The following EXOC4 variants were observed in gnomAD, a reference collection of about 807,000 sequenced individuals.
EXOC4 encodes SEC8-like 1.
EXOC4 carries 71 observed loss-of-function variants against 107.2 expected under a neutral mutation model. The observed-to-expected ratio is 0.66, with a 90% CI of 0.55 to 0.81. The LOEUF (loss-of-function observed/expected upper bound fraction) is 0.81. Ranked by LOEUF, EXOC4 falls within the 30% of genes least tolerant of loss-of-function variation. The pLI, the probability that EXOC4 is intolerant of heterozygous loss-of-function variation, is 0.00. For missense variants in EXOC4, 1,108 were observed against 1,189.6 expected (o/e 0.93, Z 1.01); for synonymous variants, 456 against 441.2 (o/e 1.03, Z -0.42).
chr7:133,968,150 C>T (rs1397507429), intron 14 of EXOC4, among the ~76,000 whole-genome samples: 1 of 152,104 alleles, frequency 6.6e-6, no homozygotes, highest in Non-Finnish European at 1.5e-5. Context: ...ACTATGATTG[C>T]AACCACTGCT....
intron 10 of EXOC4, among the ~76,000 whole-genome samples, chr7:133,689,063 T>C (rs1794365743): frequency 6.6e-6 from 1 of 152,214 alleles, no homozygotes; most frequent in African/African-American, 2.4e-5. Context: ...CTGGAAACTA[T>C]GCTGTGGTCT....
chr7:133,924,808 T>G (rs1158138945), intron 13 of EXOC4, among the ~76,000 whole-genome samples: 2 of 152,210 alleles, frequency 1.3e-5, no homozygotes, highest in Non-Finnish European at 2.9e-5. Context: ...GCATCCAATT[T>G]ATTTTGTTCA....
At chr7:133,326,322 T>TA (rs200344541) in intron 5 of EXOC4, among the ~76,000 whole-genome samples, 22,841 of 152,176 alleles carry the variant, frequency 0.15, 2,028 homozygotes, top group Middle Eastern at 0.21. Context: ...CTCTGTTTTT[T>TA]CCCCATCTTT....
chr7:133,585,278 T>C (rs182720139), intron 9 of EXOC4, among the ~76,000 whole-genome samples: 3 of 152,360 alleles, frequency 2.0e-5, no homozygotes, highest in African/African-American at 7.2e-5. Flanking sequence ...TCCTAAACTT[T>C]AGGTTTCTTA....
Position 134,010,831 on chromosome 7 carries a change from G to A in EXOC4, c.2687+2996G>A, listed in dbSNP as rs1381325289. 4.6e-5 allele frequency among the ~76,000 whole-genome samples: 7 copies of A among 152,160 alleles called. No individual in the cohort carries two copies. The East Asian group carries it at 1.3e-3, about 29-fold the overall frequency. On this transcript the variant is annotated intron_variant, in intron 17 of 17. Coordinates refer to ENST00000253861, the MANE Select transcript of EXOC4 (RefSeq NM_021807.4). ...CCAGTGGAAAATATAACACCTTTCT[G>A]TAATAAAGAAATGAAGGATCTGGAG...
Position 133,989,960 on chromosome 7 carries a change from C to A in EXOC4, c.2207-7532C>A, listed in dbSNP as rs564750613. The stretch of plus-strand genomic sequence containing the variant: ...CTTCTTTTGAAATTAAAATCCAGAA[C>A]GTTTTAGTGGCAACAATCTATACAT... On this transcript the variant is annotated intron_variant, in intron 14 of 17. Transcript: ENST00000253861. Among the ~76,000 whole-genome samples, 6 of 152,048 alleles carry A rather than the reference C, an allele frequency of 3.9e-5. No homozygotes were observed. In the South Asian group the frequency reaches 1.2e-3, roughly 32 times the overall value.
intron 13 of EXOC4, among the ~76,000 whole-genome samples, chr7:133,935,776 A>G (rs981424686): frequency 6.6e-6 from 1 of 152,230 alleles, no homozygotes; most frequent in African/African-American, 2.4e-5. Flanking sequence ...ATAAATAAGG[A>G]TAAATGGAAT....
At chr7:133,424,356 C>G (rs1041908328) in intron 7 of EXOC4, among the ~76,000 whole-genome samples, 1 of 151,700 alleles carries the variant, frequency 6.6e-6, no homozygotes, top group African/African-American at 2.4e-5. Flanking sequence ...CAACTCCAGA[C>G]GCGCCGCCTT....
chr7:133,487,866 A>G (rs1415788338), intron 9 of EXOC4, among the ~76,000 whole-genome samples: 1 of 152,166 alleles, frequency 6.6e-6, no homozygotes, highest in East Asian at 1.9e-4. Context: ...AATAAGGTAA[A>G]AATAACAGCT....
intron 7 of EXOC4, among the ~76,000 whole-genome samples, chr7:133,471,547 T>C (rs60552230): frequency 0.072 from 11,025 of 152,212 alleles, 1,343 homozygotes; most frequent in African/African-American, 0.25. Context: ...CAAACACAAA[T>C]TGCAAACATT....
intron 10 of EXOC4, among the ~76,000 whole-genome samples, chr7:133,812,425 A>G (rs1358308395): frequency 6.6e-6 from 1 of 151,948 alleles, no homozygotes; most frequent in African/African-American, 2.4e-5. Context: ...CCAGGTCCAA[A>G]CTCTGGAAGC....
At chr7:133,584,673 G>A (rs1037137212) in intron 9 of EXOC4, among the ~76,000 whole-genome samples, 2 of 141,968 alleles carry the variant, frequency 1.4e-5, no homozygotes, top group Admixed American at 7.7e-5. Context: ...CTGCCTCCCG[G>A]GTTCAAGTGA....
the EXOC4 span, among the ~76,000 whole-genome samples, chr7:134,090,103 C>T: frequency 3.3e-5 from 5 of 152,266 alleles, no homozygotes; most frequent in East Asian, 1.9e-4. Context: ...TTTCTGACAA[C>T]GTATTTGATT....
chr7:133,574,215 G>C (rs981465300), intron 9 of EXOC4, among the ~76,000 whole-genome samples: 1 of 152,040 alleles, frequency 6.6e-6, no homozygotes, highest in African/African-American at 2.4e-5. Flanking sequence ...GCACACGTAT[G>C]TGTGTACATG....
intron 9 of EXOC4, among the ~76,000 whole-genome samples, chr7:133,584,351 C>T (rs1008351194): frequency 1.3e-5 from 2 of 152,060 alleles, no homozygotes; most frequent in Non-Finnish European, 2.9e-5. Context: ...TCATTATCTG[C>T]CCAAAACCCT....
the EXOC4 span, among the ~76,000 whole-genome samples, chr7:134,098,487 C>T: frequency 3.4e-4 from 51 of 152,176 alleles, 1 homozygote; most frequent in Non-Finnish European, 4.4e-5. Context: ...GCTGAGCAGG[C>T]TGTGAAAAGA....
intron 3 of EXOC4, among the ~76,000 whole-genome samples, chr7:133,293,541 C>G (rs1794453303): frequency 1.3e-5 from 2 of 152,196 alleles, no homozygotes; most frequent in South Asian, 4.1e-4. Context: ...TTAATCCCTA[C>G]TCAGAATAGA....
At chr7:133,550,580 GTAT>G (rs1406365627) in intron 9 of EXOC4, among the ~76,000 whole-genome samples, 1 of 152,108 alleles carries the variant, frequency 6.6e-6, no homozygotes, top group Non-Finnish European at 1.5e-5. Context: ...ACCACCAACA[GTAT>G]TATAAGTATA....
intron 12 of EXOC4, among the ~76,000 whole-genome samples, chr7:133,909,168 T>A (rs1799632601): frequency 6.6e-6 from 1 of 152,138 alleles, no homozygotes; most frequent in African/African-American, 2.4e-5. Context: ...ATTCCTTCAA[T>A]CTGTTACTCA....
Sources: allele counts gnomAD v4.1 joint callset (sites outside exome capture counted in the v4.1 genomes callset), GRCh38; gene constraint gnomAD v4.1.1; transcripts MANE v1.5; gene names NCBI Gene and HGNC (gene_info 2026-07-23, HGNC 2026-07-21).